STPG2: variants seen among roughly 807,000 people sequenced by gnomAD.
STPG2 encodes sperm tail PG-rich repeat containing 2.
A neutral mutation model predicts 54.2 loss-of-function variants in STPG2; 56 were observed. The observed-to-expected ratio is 1.03, with a 90% CI of 0.83 to 1.29. The LOEUF (loss-of-function observed/expected upper bound fraction) is 1.29. Among genes scored for constraint, STPG2 ranks in the 50% most tolerant of loss-of-function variants. The pLI is 0.00. For synonymous variants in STPG2, 200 were observed against 181.8 expected (o/e 1.10, Z -0.81); for missense variants, 596 against 544.9 (o/e 1.09, Z -0.93).
At chr4:97,479,698 T>G (rs1397576819) in intron 4 of STPG2, among the ~76,000 whole-genome samples, 1 of 151,830 alleles carries the variant, frequency 6.6e-6, no homozygotes, top group Admixed American at 6.6e-5. Flanking sequence ...CTAATGTAAA[T>G]AGATTAAGGT....
At chr4:97,800,549 T>C (rs1727353266) in intron 9 of STPG2, among the ~76,000 whole-genome samples, 1 of 152,196 alleles carries the variant, frequency 6.6e-6, no homozygotes, top group Non-Finnish European at 1.5e-5. Context: ...GGAAGCTTCG[T>C]CTCAGAGTGG....
intron 8 of STPG2, among the ~76,000 whole-genome samples, chr4:97,938,734 G>A (rs1012329440): frequency 6.6e-6 from 1 of 152,112 alleles, no homozygotes; most frequent in Non-Finnish European, 1.5e-5. Context: ...TGGCTCTCAG[G>A]TGGGCCGACA....
At chr4:97,518,403 G>A (rs1731117235) in intron 4 of STPG2, among the ~76,000 whole-genome samples, 1 of 151,994 alleles carries the variant, frequency 6.6e-6, no homozygotes, top group Admixed American at 6.6e-5. Flanking sequence ...ATACATTCAA[G>A]TATTCATTTT....
chr4:97,705,367 C>T (rs371131286), intron 10 of STPG2, among the ~76,000 whole-genome samples: 1 of 151,860 alleles, frequency 6.6e-6, no homozygotes, highest in South Asian at 2.1e-4. Context: ...ACTCTGTTAC[C>T]CAGGCTGGAG....
At chr4:98,116,720 A>C (rs1199451874) in intron 3 of STPG2, among the ~76,000 whole-genome samples, 4 of 151,936 alleles carry the variant, frequency 2.6e-5, no homozygotes, top group Non-Finnish European at 5.9e-5. Flanking sequence ...AAGACCAGGT[A>C]TGTCATAGAG....
At chr4:98,037,573 T>C (rs1354626822) in intron 5 of STPG2, among the ~76,000 whole-genome samples, 2 of 151,602 alleles carry the variant, frequency 1.3e-5, no homozygotes, top group Non-Finnish European at 2.9e-5. Context: ...ACATAGTATG[T>C]CTTAGTGGAT....
intron 10 of STPG2, among the ~76,000 whole-genome samples, chr4:97,592,500 C>G (rs1463066590): frequency 6.6e-6 from 1 of 151,944 alleles, no homozygotes; most frequent in Non-Finnish European, 1.5e-5. Flanking sequence ...AAACTATATT[C>G]TAATTAAACA....
chr4:97,589,742 T>C (rs1733090455), intron 10 of STPG2, among the ~76,000 whole-genome samples: 1 of 152,174 alleles, frequency 6.6e-6, no homozygotes, highest in Non-Finnish European at 1.5e-5. Flanking sequence ...TCCTTCAAGC[T>C]TCATTTATAT....
Position 97,622,757 on chromosome 4 carries a change from A to T in STPG2, c.1321-63640T>A, listed in dbSNP as rs534315167. Among the ~76,000 whole-genome samples, 892 of 151,456 alleles carry T rather than the reference A, an allele frequency of 5.9e-3. 7 individuals are homozygous for T. The highest frequency in any genetic ancestry group is 0.024 in the Middle Eastern group (7 of 294). On this transcript the variant is annotated intron_variant, in intron 10 of 10. Coordinates refer to ENST00000295268, the MANE Select transcript of STPG2 (RefSeq NM_174952.3). ...AATGACATTGTTTACAGAATTTTTT[A>T]AAAAAAACTATCTTAAAATTTGTAT...
At chr4:97,996,628 A>G (rs928779811) in intron 5 of STPG2, among the ~76,000 whole-genome samples, 1 of 22,456 alleles carries the variant, frequency 4.5e-5, no homozygotes, top group Admixed American at 4.6e-4. Flanking sequence ...CTATTAACAG[A>G]GTAAACAGAC....
rs530769289 is a variant in STPG2 at position 97,518,706 on chromosome 4, T to G, written c.462+193993A>C. On this transcript the variant is annotated intron_variant, in intron 4 of 4. Transcript: ENST00000522676. ...CTTAGTTTGCTTTCTCTATTCTCCC[T>G]TCTCCATTTCATACCAGGTTAAATG... is the stretch of plus-strand genomic sequence containing the variant. Among the ~76,000 whole-genome samples the G allele has an allele frequency of 2.0e-5, 3 of 152,242 alleles. No individual in the cohort carries two copies. In the East Asian group the frequency reaches 5.8e-4, roughly 29 times the overall value.
chr4:98,040,233 T>A (rs1736907900), intron 5 of STPG2, among the ~76,000 whole-genome samples: 1 of 152,024 alleles, frequency 6.6e-6, no homozygotes, highest in Non-Finnish European at 1.5e-5. Flanking sequence ...CCTTGTCAGA[T>A]GCATAGTCCG....
chr4:97,835,341 A>C (rs1728598780), intron 9 of STPG2, among the ~76,000 whole-genome samples: 1 of 152,154 alleles, frequency 6.6e-6, no homozygotes. Context: ...ATGCCAGAAA[A>C]CGCATGAATA....
At chr4:97,877,582 C>A (rs1361680153) in intron 8 of STPG2, among the ~76,000 whole-genome samples, 1 of 152,114 alleles carries the variant, frequency 6.6e-6, no homozygotes, top group African/African-American at 2.4e-5. Context: ...CATTATAAAA[C>A]CATCAGATCT....
At chr4:97,915,443 A>C (rs1731838991) in intron 8 of STPG2, among the ~76,000 whole-genome samples, 1 of 152,068 alleles carries the variant, frequency 6.6e-6, no homozygotes, top group Non-Finnish European at 1.5e-5. Flanking sequence ...TGGGATTTAA[A>C]CTCACATCTT....
At chr4:97,489,532 A>T (rs1228815815) in intron 4 of STPG2, among the ~76,000 whole-genome samples, 2 of 151,618 alleles carry the variant, frequency 1.3e-5, no homozygotes, top group Non-Finnish European at 1.5e-5. Context: ...GAAAATATGG[A>T]TCTAGTAGAG....
chr4:97,887,912 G>C (rs1439749052), intron 8 of STPG2, among the ~76,000 whole-genome samples: 9 of 152,180 alleles, frequency 5.9e-5, no homozygotes, highest in Admixed American at 5.9e-4. Flanking sequence ...CTGCATCCCA[G>C]CCACTCCAGC....
intron 3 of STPG2, among the ~76,000 whole-genome samples, chr4:98,119,925 T>C (rs1016151487): frequency 1.3e-5 from 2 of 152,226 alleles, no homozygotes; most frequent in Non-Finnish European, 2.9e-5. Flanking sequence ...TGTTCCTTTT[T>C]ATGGTCAATC....
chr4:97,559,285 C>G (rs905002844), intron 10 of STPG2, among the ~76,000 whole-genome samples, 168 bp from the exon 11 acceptor site: 4 of 152,060 alleles, frequency 2.6e-5, no homozygotes, highest in Admixed American at 2.6e-4. Flanking sequence ...TTTATTACTT[C>G]GTTCAAAAAT....
Sources: gnomAD v4.1 joint callset for allele counts (sites outside exome capture counted in the v4.1 genomes callset) on GRCh38, gnomAD v4.1.1 for gene constraint, MANE v1.5 for transcripts, NCBI Gene and HGNC (gene_info 2026-07-23, HGNC 2026-07-21) for gene names.